Variants in DACH2 observed in about 807,000 individuals in gnomAD.
DACH2 encodes the protein dachshund homolog 2.
In DACH2, 17 loss-of-function variants were observed where a neutral mutation model predicts 35.8. The observed-to-expected ratio is 0.48, with a 90% CI of 0.33 to 0.71. The LOEUF is 0.71. DACH2 is among the 30% of genes least tolerant of loss of function. The pLI, the probability that DACH2 is intolerant of heterozygous loss-of-function variation, is 0.02. For missense variants in DACH2, 469 were observed against 472.7 expected (o/e 0.99, Z 0.07); for synonymous variants, 195 against 177.3 (o/e 1.10, Z -0.79).
At chrX:86,390,652 C>T (rs1470861565) in intron 2 of DACH2, among the ~76,000 whole-genome samples, 1 of 110,361 alleles carries the variant, frequency 9.1e-6, no homozygotes, top group Non-Finnish European at 1.9e-5. Flanking sequence ...TACAGTGATG[C>T]GATCTCAGCT....
Position 86,418,139 on chromosome X carries a change from G to T in DACH2, c.527+41277G>T, listed in dbSNP as rs566876073. Among the ~76,000 whole-genome samples the T allele has an allele frequency of 6.2e-5, 7 of 112,357 alleles. No homozygotes were observed. The South Asian group carries it at 2.6e-3, about 42-fold the overall frequency. ...GGTCTTGGACAGCTCCACCCCTGTG[G>T]CTTTGCAGGGTACAGCCTTCTCCCA... On this transcript the variant is annotated intron_variant, in intron 2 of 11. Transcript: ENST00000373125.
chrX:86,190,211 A>G (rs965774819), intron 1 of DACH2, among the ~76,000 whole-genome samples: 2 of 110,856 alleles, frequency 1.8e-5, no homozygotes, highest in African/African-American at 6.5e-5. Flanking sequence ...TGTCTTTTAT[A>G]TGTAAACTGT....
At chrX:86,194,082 T>A (rs34371514) in intron 1 of DACH2, among the ~76,000 whole-genome samples, 44,889 of 108,840 alleles carry the variant, frequency 0.41, 7,875 homozygotes, top group Non-Finnish European at 0.55. Context: ...ACTGACAGAT[T>A]GATGGAAATA....
intron 7 of DACH2, among the ~76,000 whole-genome samples, chrX:86,746,172 TACCTCC>T (rs2041710327): frequency 8.9e-6 from 1 of 111,874 alleles, no homozygotes; most frequent in Admixed American, 9.6e-5. Flanking sequence ...ATATTTGGGA[TACCTCC>T]ACCTTTTGGC....
rs994531928 is a variant in DACH2, at chrX:86,148,495, G to A, written c.-126G>A. On this transcript the variant is annotated 5_prime_UTR_variant, in exon 1 of 12. Coordinates refer to ENST00000373125, the MANE Select transcript of DACH2 (RefSeq NM_053281.3). ...CGTGAGCCGGCTGCTGAAGACTTGC[G>A]AACAGTTCGGAGCCAGCGAGAGCGC... 8.7e-6 allele frequency: 7 copies of A among 808,877 alleles called. No homozygotes were observed. The highest frequency in any genetic ancestry group is 1.2e-5 in the Non-Finnish European group (7 of 583,535). The allele number at this position is 808,877 out of a possible 1,213,427, so 66.7% of individuals were successfully genotyped here.
rs182771500 is a variant in DACH2, at chrX:86,567,648, C to T, written c.640+53257C>T. ...CCCACAGAGCTTGGCAAGTACAGTG[C>T]CGTGCTTATTGTAGGTGTCCGGTAA... On this transcript the variant is annotated intron_variant, in intron 3 of 11. Transcript: ENST00000373125. Among the ~76,000 whole-genome samples the T allele has an allele frequency of 2.7e-4, 30 of 111,505 alleles. No individual in the cohort carries two copies. The South Asian group carries it at 7.4e-3, about 28-fold the overall frequency.
chrX:86,548,177 C>T (rs896949882), intron 3 of DACH2, among the ~76,000 whole-genome samples: 4 of 110,543 alleles, frequency 3.6e-5, no homozygotes, highest in African/African-American at 3.3e-5. Flanking sequence ...AATTAGCTCA[C>T]GTGCTTGGGC....
intron 1 of DACH2, among the ~76,000 whole-genome samples, chrX:86,365,864 A>G (rs1035618349): frequency 9.0e-6 from 1 of 111,673 alleles, no homozygotes; most frequent in Non-Finnish European, 1.9e-5. Context: ...ACTGAGTTCT[A>G]TAACAGAGGC....
At chrX:86,398,054 C>T (rs2036336215) in intron 2 of DACH2, among the ~76,000 whole-genome samples, 1 of 111,895 alleles carries the variant, frequency 8.9e-6, no homozygotes, top group African/African-American at 3.3e-5. Context: ...TAATTATTGC[C>T]TCAAATTCAG....
chrX:86,540,097 T>C (rs2038860323), intron 3 of DACH2, among the ~76,000 whole-genome samples: 1 of 112,169 alleles, frequency 8.9e-6, no homozygotes, highest in African/African-American at 3.2e-5. Flanking sequence ...ATAAACTCAA[T>C]ACATCTTTAA....
chrX:86,708,836 G>A (rs2041248047), intron 5 of DACH2, among the ~76,000 whole-genome samples: 1 of 111,198 alleles, frequency 9.0e-6, no homozygotes, highest in Non-Finnish European at 1.9e-5. Flanking sequence ...ATACTCAGGA[G>A]TAAACATAGC....
chrX:86,556,795 T>TATATATATAG (rs1232719385), intron 3 of DACH2, among the ~76,000 whole-genome samples: 12 of 25,292 alleles, frequency 4.7e-4, no homozygotes, highest in Admixed American at 7.1e-4. Context: ...TATATATATA[T>TATATATATAG]AGAGAGAGAG....
At chrX:86,826,328 C>T (rs1441300390) in intron 11 of DACH2, among the ~76,000 whole-genome samples, 1 of 111,331 alleles carries the variant, frequency 9.0e-6, no homozygotes, top group African/African-American at 3.3e-5. Flanking sequence ...ATTATGACAC[C>T]ATTTGCACAA....
At chrX:86,281,038 T>A (rs1156268818) in intron 1 of DACH2, among the ~76,000 whole-genome samples, 2 of 111,662 alleles carry the variant, frequency 1.8e-5, no homozygotes, top group African/African-American at 6.5e-5. Flanking sequence ...ATTAGACAGA[T>A]CAATGAGACA....
At chrX:86,383,630 CT>C (rs1399527413) in intron 2 of DACH2, among the ~76,000 whole-genome samples, 23 of 102,759 alleles carry the variant, frequency 2.2e-4, no homozygotes, top group Non-Finnish European at 2.0e-5. Flanking sequence ...AAAATATTTT[CT>C]TTTATTATTG....
chrX:86,701,372 G>C (rs1440154749), intron 5 of DACH2, among the ~76,000 whole-genome samples: 7 of 111,250 alleles, frequency 6.3e-5, no homozygotes, highest in Non-Finnish European at 1.3e-4. Context: ...AAAATAATAA[G>C]AGCCATCTCT....
chrX:86,292,441 T>C (rs1233642925), intron 1 of DACH2, among the ~76,000 whole-genome samples: 3 of 106,894 alleles, frequency 2.8e-5, no homozygotes, highest in Non-Finnish European at 5.8e-5. Flanking sequence ...TCTGCTCTGA[T>C]TTTAGTTATT....
At chrX:86,488,222 G>A (rs1284791085) in intron 2 of DACH2, among the ~76,000 whole-genome samples, 1 of 111,479 alleles carries the variant, frequency 9.0e-6, no homozygotes, top group Non-Finnish European at 1.9e-5. Context: ...TATAGTCATT[G>A]TTATGGAAAG....
chrX:86,397,833 A>T (rs2036330376), intron 2 of DACH2, among the ~76,000 whole-genome samples: 1 of 111,719 alleles, frequency 9.0e-6, no homozygotes, highest in Non-Finnish European at 1.9e-5. Context: ...TTCATCAAGG[A>T]TATTGGTCTA....
Sources: gnomAD v4.1 joint callset for allele counts (sites outside exome capture counted in the v4.1 genomes callset) on GRCh38, gnomAD v4.1.1 for gene constraint, MANE v1.5 for transcripts, NCBI Gene and HGNC (gene_info 2026-07-23, HGNC 2026-07-21) for gene names.